BTBD10: variants seen among roughly 807,000 people sequenced by gnomAD.
BTBD10 encodes the protein BTB domain containing 10.
BTBD10 carries 21 observed loss-of-function variants against 53.2 expected under a neutral mutation model. That is an observed-to-expected ratio of 0.39 (90% CI 0.28 to 0.57). BTBD10 has a LOEUF of 0.57. Ranked by LOEUF, BTBD10 falls within the 20% of genes least tolerant of loss-of-function variation. The pLI, the probability that BTBD10 is intolerant of heterozygous loss-of-function variation, is 0.53. For missense variants in BTBD10, 360 were observed against 594.7 expected (o/e 0.61, Z 4.10); for synonymous variants, 149 against 192.7 (o/e 0.77, Z 1.88).
intron 5 of BTBD10, 127 bp downstream of exon 5, chr11:13,417,031 G>A (rs889353655): frequency 2.3e-5 from 14 of 602,690 alleles, no homozygotes; most frequent in Non-Finnish European, 3.3e-5. Context: ...TGAATTAAAT[G>A]GTATTTAAGG....
At chr11:13,390,660 T>C (rs1432528370) in intron 8 of BTBD10, among the ~76,000 whole-genome samples, 1 of 152,182 alleles carries the variant, frequency 6.6e-6, no homozygotes, top group Admixed American at 6.5e-5. Flanking sequence ...TCAATAAAAC[T>C]TTATAAAAAA....
At position 13,417,173 on chromosome 11, in the gene BTBD10, C is replaced by T. The variant is rs1275134132; in HGVS notation, c.672G>A (p.Val224=). The change falls in exon 5 of 9, where the codon GTG becomes GTA. Residue 224 remains valine (V), a synonymous_variant. Transcript: ENST00000278174. The part of the protein sequence containing the change: ...YEVAEGIGST[V]FRAILDYYKT... ...AAACACTCACCAGAATCGCTCGAAACACAGTGGAACCAATTCCCTCTGCCA... is the reference window on the plus strand; with the variant it reads ...AAACACTCACCAGAATCGCTCGAAATACAGTGGAACCAATTCCCTCTGCCA... The T allele has an allele frequency of 4.3e-6, 7 of 1,612,634 alleles. No individual in the cohort carries two copies. The highest frequency in any genetic ancestry group is 1.8e-4 in the Middle Eastern group (1 of 5,614).
chr11:13,419,395 CA>C, intron 4 of BTBD10, 64 bp downstream of exon 4: 1 of 1,556,764 alleles, frequency 6.4e-7, no homozygotes. Context: ...AAAACTTAAA[CA>C]AAAAAATAAT....
At chr11:13,430,667 T>G (rs1053410525) in intron 2 of BTBD10, among the ~76,000 whole-genome samples, 3 of 152,048 alleles carry the variant, frequency 2.0e-5, no homozygotes, top group African/African-American at 4.8e-5. Flanking sequence ...TTGCGATATA[T>G]CCATACAATG....
At chr11:13,428,441 A>G (rs11022822) in intron 2 of BTBD10, among the ~76,000 whole-genome samples, 15,758 of 152,178 alleles carry the variant, frequency 0.1, 1,101 homozygotes, top group East Asian at 0.28. Context: ...ATTCTATGAG[A>G]CCAACATTGC....
intron 1 of BTBD10, among the ~76,000 whole-genome samples, chr11:13,454,117 G>A (rs2134054956): frequency 6.6e-6 from 1 of 152,224 alleles, no homozygotes; most frequent in East Asian, 1.9e-4. Flanking sequence ...TAATTTACTA[G>A]TGCAGAGGAA....
At chr11:13,440,023 A>G (rs1214565434) in intron 2 of BTBD10, 12 of 1,533,602 alleles carry the variant, frequency 7.8e-6, no homozygotes, top group Non-Finnish European at 1.0e-5. Context: ...AGGAAACTTT[A>G]GCACATCTGA....
intron 1 of BTBD10, among the ~76,000 whole-genome samples, chr11:13,457,486 T>C (rs1341385392): frequency 6.6e-6 from 1 of 152,120 alleles, no homozygotes; most frequent in African/African-American, 2.4e-5. Flanking sequence ...AAAAAACAGG[T>C]AGGTACAGAA....
chr11:13,450,894 G>A (rs1473951604), intron 1 of BTBD10, among the ~76,000 whole-genome samples: 1 of 152,194 alleles, frequency 6.6e-6, no homozygotes, highest in Non-Finnish European at 1.5e-5. Context: ...GCAGACAGTA[G>A]TGAAAGAAGA....
chr11:13,422,598 C>T (rs1950265801), intron 2 of BTBD10, among the ~76,000 whole-genome samples: 7 of 152,002 alleles, frequency 4.6e-5, no homozygotes, highest in Admixed American at 3.9e-4. Flanking sequence ...GCCGAGATCA[C>T]GCCACTGCAC....
chr11:13,411,652 G>A (rs527898701), intron 6 of BTBD10, among the ~76,000 whole-genome samples: 5 of 152,022 alleles, frequency 3.3e-5, no homozygotes, highest in East Asian at 1.9e-4. Flanking sequence ...GGTAAACTAC[G>A]CACAACAAAA....
chr11:13,444,958 A>G, intron 2 of BTBD10, 66 bp downstream of exon 2: 1 of 1,243,830 alleles, frequency 8.0e-7, no homozygotes, highest in South Asian at 1.3e-5. Context: ...AACCAAATGC[A>G]GTAGTATTCT....
At chr11:13,399,344 A>G (rs1308329081) in intron 8 of BTBD10, among the ~76,000 whole-genome samples, 2 of 152,132 alleles carry the variant, frequency 1.3e-5, no homozygotes, top group Non-Finnish European at 2.9e-5. Context: ...CGCATCGGCT[A>G]CTGAGGCTTG....
intron 2 of BTBD10, among the ~76,000 whole-genome samples, chr11:13,439,377 T>C (rs562728989): frequency 1.3e-5 from 2 of 152,248 alleles, no homozygotes; most frequent in South Asian, 2.1e-4. Flanking sequence ...TCTGGGTTCT[T>C]TGACTTGAAA....
chr11:13,433,090 C>T (rs772359763), intron 2 of BTBD10, among the ~76,000 whole-genome samples: 3 of 152,266 alleles, frequency 2.0e-5, no homozygotes, highest in South Asian at 2.1e-4. Context: ...TTTCCTGGCT[C>T]GTAACTCCTA....
intron 7 of BTBD10, among the ~76,000 whole-genome samples, chr11:13,404,974 A>G (rs992761766): frequency 6.6e-6 from 1 of 152,130 alleles, no homozygotes; most frequent in Non-Finnish European, 1.5e-5. Flanking sequence ...ATGCTAGGCT[A>G]TTTTATTCAA....
Position 13,405,783 on chromosome 11 carries a change from G to T in BTBD10, c.882C>A (p.Leu294=). Residue 294 remains leucine, a synonymous_variant, in exon 7 of 9, where the codon CTC becomes CTA. Transcript: ENST00000278174. ...TCTGGGCACTAGCTACCATGAGAGG[G>T]AGGATCATTTCTTCCAGATAAAATT... ...QFEFYLEEMI[L]PLMVASAQSG... is the part of the protein sequence containing the mutation. 1 of 1,613,768 alleles carries T rather than the reference G, an allele frequency of 6.2e-7. No homozygotes were observed. Among genetic ancestry groups the T allele is most frequent in the Non-Finnish European group, 8.5e-7 (1 of 1,179,762 alleles).
intron 2 of BTBD10, among the ~76,000 whole-genome samples, chr11:13,432,964 C>T (rs1255222125): frequency 6.6e-6 from 1 of 152,002 alleles, no homozygotes; most frequent in Non-Finnish European, 1.5e-5. Flanking sequence ...ATATAAGTAG[C>T]ACTCATATCA....
intron 8 of BTBD10, among the ~76,000 whole-genome samples, chr11:13,399,226 C>G (rs1949643471): frequency 6.6e-6 from 1 of 152,190 alleles, no homozygotes; most frequent in South Asian, 2.1e-4. Context: ...TCCCATATTT[C>G]TTGGAGGCTT....
Sources: gnomAD v4.1 joint callset for allele counts (sites outside exome capture counted in the v4.1 genomes callset) on GRCh38, gnomAD v4.1.1 for gene constraint, MANE v1.5 for transcripts, NCBI Gene and HGNC (gene_info 2026-07-23, HGNC 2026-07-21) for gene names.